Variants in KIRREL3 observed in about 807,000 individuals in gnomAD.
The protein encoded by KIRREL3 is kirre like nephrin family adhesion molecule 3.
In KIRREL3, 36 loss-of-function variants were observed where a neutral mutation model predicts 89.7. The ratio of observed to expected loss-of-function variants is 0.40; its 90% CI spans 0.31 to 0.53. The LOEUF is 0.53. Ranked by LOEUF, KIRREL3 falls within the 20% of genes least tolerant of loss-of-function variation. The probability of loss-of-function intolerance (pLI) is 0.49; values close to 1 mark genes in which losing one functional copy is unlikely to be tolerated. For synonymous variants in KIRREL3, 445 were observed against 441.4 expected (o/e 1.01, Z -0.10); for missense variants, 864 against 1,056.6 (o/e 0.82, Z 2.53).
In KIRREL3 at chr11:126,906,376, T is replaced by C. The variant is rs998996914; in HGVS notation, c.55+94079A>G. ...GGAGGTATTGGGAGAACTGGAATGA[T>C]CAGTCTTATCAAAAGAGGGAAACTG... On this transcript the variant is annotated intron_variant, in intron 1 of 16. Coordinates refer to ENST00000525144, the MANE Select transcript of KIRREL3 (RefSeq NM_032531.4). This position sits in a 1 kb window ranked among gnomAD's most constrained non-coding sequence, Gnocchi z 4.1. Among the ~76,000 whole-genome samples the C allele has an allele frequency of 6.6e-6, 1 of 152,156 alleles. No individual in the cohort carries two copies. The highest frequency in any genetic ancestry group is 6.5e-5 in the Admixed American group (1 of 15,268).
At chr11:126,445,336 T>A (rs890819752) in intron 9 of KIRREL3, among the ~76,000 whole-genome samples, 1 of 152,178 alleles carries the variant, frequency 6.6e-6, no homozygotes, top group South Asian at 2.1e-4. Flanking sequence ...TGACTGAGGA[T>A]GTTACATCCC....
chr11:126,582,723 G>A (rs1307381943), intron 1 of KIRREL3, among the ~76,000 whole-genome samples: 2 of 152,130 alleles, frequency 1.3e-5, no homozygotes, highest in Non-Finnish European at 2.9e-5. Context: ...TGTAAGATCA[G>A]GATTGACCTT....
Position 126,579,262 on chromosome 11 carries a change from C to T in KIRREL3, c.56-16350G>A, listed in dbSNP as rs1232322501. 6.6e-6 allele frequency among the ~76,000 whole-genome samples: 1 copy of T among 152,062 alleles called. No homozygotes were observed. The highest frequency in any genetic ancestry group is 1.5e-5 in the Non-Finnish European group (1 of 68,010). ...ATCATGTGGGAGGGTAGTTAGTTCCCAAACGCAGGTGAGTATAAAATCCAA... is the reference window on the plus strand; with the variant it reads ...ATCATGTGGGAGGGTAGTTAGTTCCTAAACGCAGGTGAGTATAAAATCCAA... On this transcript the variant is annotated intron_variant, in intron 1 of 16. Coordinates refer to ENST00000525144, the MANE Select transcript of KIRREL3 (RefSeq NM_032531.4). This position sits in a 1 kb window ranked among gnomAD's most constrained non-coding sequence, Gnocchi z 5.3.
At chr11:126,727,240 CGGCT>C (rs1292462835) in intron 1 of KIRREL3, among the ~76,000 whole-genome samples, 1 of 152,208 alleles carries the variant, frequency 6.6e-6, no homozygotes, top group Non-Finnish European at 1.5e-5. Flanking sequence ...CCTTGGAGGC[CGGCT>C]GGCCACTCTC....
Position 126,725,555 on chromosome 11 carries a change from T to A in KIRREL3, c.56-162643A>T, listed in dbSNP as rs1341726913. ...CCCCCGCTCATCCCCAAGCTGGCTGTCCCCGTTTTCTTCTGAGTGTGTTTG... is the reference window on the plus strand; with the variant it reads ...CCCCCGCTCATCCCCAAGCTGGCTGACCCCGTTTTCTTCTGAGTGTGTTTG... On this transcript the variant is annotated intron_variant, in intron 1 of 16. Transcript: ENST00000525144. Among the ~76,000 whole-genome samples, 3 of 152,218 alleles carry A rather than the reference T, an allele frequency of 2.0e-5. No individual in the cohort carries two copies. The East Asian group carries it at 5.8e-4, about 29-fold the overall frequency.
chr11:126,964,584 AG>A (rs774536204), intron 1 of KIRREL3, among the ~76,000 whole-genome samples: 4 of 152,202 alleles, frequency 2.6e-5, no homozygotes, highest in Non-Finnish European at 4.4e-5. Context: ...ACAAATGCCC[AG>A]GGGTACACCC....
chr11:126,887,816 G>A (rs1945757752), intron 1 of KIRREL3, among the ~76,000 whole-genome samples: 1 of 152,216 alleles, frequency 6.6e-6, no homozygotes, highest in Non-Finnish European at 1.5e-5. Flanking sequence ...TTAGAAAAAT[G>A]AAGATAGGCG....
rs1955736095 is a variant in KIRREL3, at chr11:126,445,014, C to A, written c.1217G>T (p.Gly406Val). The A allele has an allele frequency of 6.2e-7, 1 of 1,613,868 alleles. No individual in the cohort carries two copies. Among genetic ancestry groups the A allele is most frequent in the Non-Finnish European group, 8.5e-7 (1 of 1,179,838 alleles). ...CAGGGTCACCTCTCTCTCCCCGGCT[C>A]CCACACGGGGCACCACAGCCCGGCA... ...YVCRAVVPRV[G>V]AGEREVTLTV... Residue 406 changes from glycine (G) to valine (V), a missense_variant, in exon 10 of 17, where the codon GGA becomes GTA. Gly to Val is a moderately radical substitution (Grantham distance 109). Transcript: ENST00000525144.
intron 1 of KIRREL3, among the ~76,000 whole-genome samples, chr11:126,726,676 C>T (rs957482496): frequency 6.6e-6 from 1 of 152,178 alleles, no homozygotes; most frequent in African/African-American, 2.4e-5. Flanking sequence ...TGCGCCCAGC[C>T]ACAAGATGCC....
chr11:126,599,498 C>G (rs1050034144), intron 1 of KIRREL3, among the ~76,000 whole-genome samples: 3 of 152,206 alleles, frequency 2.0e-5, no homozygotes, highest in Non-Finnish European at 4.4e-5. Flanking sequence ...CTGCTTCACC[C>G]CCTTTCTCTT....
At position 126,562,790 on chromosome 11, in the gene KIRREL3, C is replaced by A. The variant is rs771860194; in HGVS notation, c.133+45G>T. The stretch of plus-strand genomic sequence containing the variant: ...TCCTGTGGCTGTAGGGGAGAGCTTC[C>A]TCCCTCCAGATTACTCCCGAGACAA... On this transcript the variant is annotated intron_variant, in intron 2 of 16. Transcript: ENST00000525144. This position sits in a 1 kb window ranked among gnomAD's most constrained non-coding sequence, Gnocchi z 4.7. 5 of 1,503,710 alleles carry A rather than the reference C, an allele frequency of 3.3e-6. No individual in the cohort carries two copies. Among genetic ancestry groups the A allele is most frequent in the Non-Finnish European group, 3.7e-6 (4 of 1,079,876 alleles). 93.1% of individuals were successfully genotyped at this position (1,503,710 alleles called of 1,614,324 possible). A position where few individuals can be genotyped will look rare whatever the true frequency, so the allele number is the denominator to read the frequency against.
At chr11:126,586,845 G>A (rs542402726) in intron 1 of KIRREL3, among the ~76,000 whole-genome samples, 1 of 152,222 alleles carries the variant, frequency 6.6e-6, no homozygotes, top group African/African-American at 2.4e-5. Flanking sequence ...AACCATCCAG[G>A]TGAGGATAAA....
intron 1 of KIRREL3, among the ~76,000 whole-genome samples, chr11:126,937,472 A>G (rs1456305673): frequency 6.6e-6 from 1 of 152,234 alleles, no homozygotes; most frequent in Non-Finnish European, 1.5e-5. Context: ...TCGCAGCTCC[A>G]GTCAAGGACA....
chr11:126,502,880 C>T (rs1407616518), intron 4 of KIRREL3, among the ~76,000 whole-genome samples: 1 of 152,210 alleles, frequency 6.6e-6, no homozygotes, highest in African/African-American at 2.4e-5. Context: ...TTATTTTTCT[C>T]TCTTGCGATG....
chr11:126,579,251 T>C lies in KIRREL3; in HGVS notation c.56-16339A>G, dbSNP rs1246868306. On this transcript the variant is annotated intron_variant, in intron 1 of 16. Coordinates refer to ENST00000525144, the MANE Select transcript of KIRREL3 (RefSeq NM_032531.4). This position sits in a 1 kb window ranked among gnomAD's most constrained non-coding sequence, Gnocchi z 5.3. ...CCTTAGGATTTATCATGTGGGAGGG[T>C]AGTTAGTTCCCAAACGCAGGTGAGT... 6.6e-6 allele frequency among the ~76,000 whole-genome samples: 1 copy of C among 150,520 alleles called. No individual in the cohort carries two copies. Among genetic ancestry groups the C allele is most frequent in the Non-Finnish European group, 1.5e-5 (1 of 67,554 alleles).
Position 126,813,770 on chromosome 11 carries a change from C to CAA in KIRREL3, c.55+186683_55+186684dup, listed in dbSNP as rs138822412. On this transcript the variant is annotated intron_variant, in intron 1 of 16. Coordinates refer to ENST00000525144, the MANE Select transcript of KIRREL3 (RefSeq NM_032531.4). ...AATCTACAAAGTGATGAAACAAAGG[C>CAA]AAAAAAAAAAAAGGTGGGATCCCCG... Among the ~76,000 whole-genome samples the CAA allele has an allele frequency of 4.5e-3, 582 of 129,470 alleles. 2 individuals carry two copies. Among genetic ancestry groups the CAA allele is most frequent in the African/African-American group, 6.9e-3 (245 of 35,382 alleles). The allele number at this position is 129,470 out of a possible 152,430, so 84.9% of individuals were successfully genotyped here. A position where few individuals can be genotyped will look rare whatever the true frequency, so the allele number is the denominator to read the frequency against.
rs1940336472 is a variant in KIRREL3 at position 126,564,117 on chromosome 11, G to C, written c.56-1205C>G. On this transcript the variant is annotated intron_variant, in intron 1 of 16. Coordinates refer to ENST00000525144, the MANE Select transcript of KIRREL3 (RefSeq NM_032531.4). The surrounding 1 kb of genome is among the most constrained non-coding windows in gnomAD (Gnocchi z 7.4). ...TTCCTGGCCCTTGCCAGGGTTTCTGGGCTCCTCCCTGCTCCTTCCTTTGAT... is the reference window on the plus strand; with the variant it reads ...TTCCTGGCCCTTGCCAGGGTTTCTGCGCTCCTCCCTGCTCCTTCCTTTGAT... 6.6e-6 allele frequency among the ~76,000 whole-genome samples: 1 copy of C among 152,186 alleles called. No homozygotes were observed. The highest frequency in any genetic ancestry group is 2.4e-5 in the African/African-American group (1 of 41,442).
rs1196721413 is a variant in KIRREL3, at chr11:126,427,568, C to T, written c.1806+1611G>A. ...TTTGAAGTCCAAAAGATTCGAAGGC[C>T]AGGAATCAAGCTCTTTGGCATGTCT... On this transcript the variant is annotated intron_variant, in intron 15 of 16. Coordinates refer to ENST00000525144, the MANE Select transcript of KIRREL3 (RefSeq NM_032531.4). This position sits in a 1 kb window ranked among gnomAD's most constrained non-coding sequence, Gnocchi z 5.3. 6.6e-6 allele frequency among the ~76,000 whole-genome samples: 1 copy of T among 152,108 alleles called. No individual in the cohort carries two copies. Among genetic ancestry groups the T allele is most frequent in the Non-Finnish European group, 1.5e-5 (1 of 68,026 alleles).
rs573561018 is a variant in KIRREL3 at position 126,696,443 on chromosome 11, C to G, written c.56-133531G>C. 6.6e-6 allele frequency among the ~76,000 whole-genome samples: 1 copy of G among 152,252 alleles called. No homozygotes were observed. The highest frequency in any genetic ancestry group is 6.5e-5 in the Admixed American group (1 of 15,288). On this transcript the variant is annotated intron_variant, in intron 1 of 16. Coordinates refer to ENST00000525144, the MANE Select transcript of KIRREL3 (RefSeq NM_032531.4). The surrounding 1 kb of genome is among the most constrained non-coding windows in gnomAD (Gnocchi z 4.4). ...ACTCCTGCCTTTGCCCAATCCCCAG[C>G]CTTCTATGAGATACCACATGCAGCC...
Sources: gnomAD v4.1 joint callset for allele counts (sites outside exome capture counted in the v4.1 genomes callset) on GRCh38, gnomAD v4.1.1 for gene constraint, Gnocchi (gnomAD v3.1) non-coding constraint, MANE v1.5 for transcripts, NCBI Gene and HGNC (gene_info 2026-07-23, HGNC 2026-07-21) for gene names.